The following GFM1 variants were observed in gnomAD, a reference collection of about 807,000 sequenced individuals.
The protein encoded by GFM1 is elongation factor G, mitochondrial.
Under a neutral mutation model 96.2 loss-of-function variants are expected in GFM1, and 62 were observed. The observed-to-expected ratio is 0.64, with a 90% CI of 0.53 to 0.80. GFM1 has a LOEUF of 0.80. Among genes scored for constraint, GFM1 ranks in the 30% least tolerant of loss-of-function variants. The pLI, the probability that GFM1 is intolerant of heterozygous loss-of-function variation, is 0.00. For missense variants in GFM1, 852 were observed against 916.6 expected (o/e 0.93, Z 0.91); for synonymous variants, 282 against 312.9 (o/e 0.90, Z 1.04).
At chr3:158,673,131 T>A (rs2108072682) in intron 13 of GFM1, among the ~76,000 whole-genome samples, 1 of 152,290 alleles carries the variant, frequency 6.6e-6, no homozygotes, top group Middle Eastern at 3.4e-3. Flanking sequence ...AATCAAAGTA[T>A]GAGAATCTGC....
intron 13 of GFM1, among the ~76,000 whole-genome samples, chr3:158,674,152 C>T (rs926397018): frequency 6.7e-6 from 1 of 149,268 alleles, no homozygotes; most frequent in Non-Finnish European, 1.5e-5. Context: ...GTGATCTCGG[C>T]TCACTGCAAC....
intron 15 of GFM1, chr3:158,684,958 G>C (rs1033226749): frequency 3.5e-6 from 1 of 288,142 alleles, no homozygotes; most frequent in African/African-American, 2.2e-5. Flanking sequence ...AGACTGAAAT[G>C]TTCAGAATTC....
chr3:158,665,901 A>G (rs1262299966), intron 12 of GFM1, among the ~76,000 whole-genome samples: 1 of 152,194 alleles, frequency 6.6e-6, no homozygotes. Context: ...TTCCCAGGAA[A>G]GGTCTTGTAT....
chr3:158,657,382 C>T (rs1722852870), intron 8 of GFM1: 1 of 152,092 alleles, frequency 6.6e-6, no homozygotes, highest in Non-Finnish European at 1.5e-5. Context: ...TGCGTTCATA[C>T]TCTCCAAATT....
chr3:158,644,685 C>G lies in GFM1; in HGVS notation c.51C>G (p.Ala17=). The stretch of plus-strand genomic sequence containing the variant: ...TCGCGGCTCTGGGGCGCGGAAGGGC[C>G]CCCGCCTCCCTAGGCTGGCAGAGGA... ...AAVAALGRGR[A]PASLGWQRKQ... is the part of the protein sequence containing the mutation. The change falls in exon 1 of 18, where the codon GCC becomes GCG. Residue 17 remains alanine (A), a synonymous_variant. Coordinates refer to ENST00000486715, the MANE Select transcript of GFM1 (RefSeq NM_024996.7). 1.3e-6 allele frequency: 2 copies of G among 1,579,834 alleles called. No individual in the cohort carries two copies. Among genetic ancestry groups the G allele is most frequent in the Non-Finnish European group, 1.7e-6 (2 of 1,163,830 alleles).
chr3:158,645,913 T>C, intron 2 of GFM1, 132 bp downstream of exon 2: 1 of 943,348 alleles, frequency 1.1e-6, no homozygotes, highest in Non-Finnish European at 1.7e-6. Flanking sequence ...GTTAGGCTTA[T>C]CTGAAAGTTG....
intron 13 of GFM1, among the ~76,000 whole-genome samples, chr3:158,675,666 A>G: frequency 6.6e-6 from 1 of 152,164 alleles, no homozygotes; most frequent in East Asian, 1.9e-4. Context: ...GATGTCTTTT[A>G]AAGGAGTTTT....
Position 158,666,336 on chromosome 3 carries a change from C to G in GFM1, c.1551C>G (p.Ile517Met). ...AAAGAGAGTATGGCTGTCCTTGTAT[C>G]ACAGGAAAGCCAAAAGTTGCCTTTC... ...RLEREYGCPC[I>M]TGKPKVAFRE... The change falls in exon 13 of 18, where the codon ATC becomes ATG. Residue 517 changes from isoleucine to methionine, a missense_variant. By Grantham distance (10) the Ile-to-Met change is conservative. Transcript: ENST00000486715. The G allele has an allele frequency of 6.2e-7, 1 of 1,613,450 alleles. No individual in the cohort carries two copies. The highest frequency in any genetic ancestry group is 8.5e-7 in the Non-Finnish European group (1 of 1,179,586).
At chr3:158,688,446 A>T (rs531710790) in intron 15 of GFM1, among the ~76,000 whole-genome samples, 1 of 152,300 alleles carries the variant, frequency 6.6e-6, no homozygotes, top group East Asian at 1.9e-4. Context: ...TGTCCTCAGT[A>T]ATTGAGTGAT....
rs1272083663 is a variant in GFM1, at chr3:158,693,956, G to A, written c.*2489G>A. 1.3e-5 allele frequency among the ~76,000 whole-genome samples: 2 copies of A among 152,074 alleles called. No individual in the cohort carries two copies. The highest frequency in any genetic ancestry group is 6.5e-5 in the Admixed American group (1 of 15,270). ...TGAAATGAAAAATCTGTGAAATTCA[G>A]GAGTGTCATATTGTATTCTTTTGTG... On this transcript the variant is annotated 3_prime_UTR_variant, in exon 18 of 18. Coordinates refer to ENST00000486715, the MANE Select transcript of GFM1 (RefSeq NM_024996.7).
chr3:158,683,320 T>C lies in GFM1; in HGVS notation c.1764+1163T>C, dbSNP rs543582312. Among the ~76,000 whole-genome samples, 328 of 152,336 alleles carry C rather than the reference T, an allele frequency of 2.2e-3. 1 individual carries two copies. The highest frequency in any genetic ancestry group is 3.3e-3 in the Admixed American group (51 of 15,302). On this transcript the variant is annotated intron_variant, in intron 14 of 17. Coordinates refer to ENST00000486715, the MANE Select transcript of GFM1 (RefSeq NM_024996.7). ...TGAAATGTCAAGAAATATTTTGTGC[T>C]ATCTGCGCAGCCATGTTATTGTGTT...
chr3:158,655,702 G>T lies in GFM1; in HGVS notation c.1083+1071G>T, dbSNP rs184384262. The T allele has an allele frequency of 8.1e-5, 23 of 284,362 alleles. No homozygotes were observed. In the East Asian group the frequency reaches 1.6e-3, roughly 20 times the overall value. The allele number at this position is 284,362 out of a possible 1,614,324, so 17.6% of individuals were successfully genotyped here. A position where few individuals can be genotyped will look rare whatever the true frequency, so the allele number is the denominator to read the frequency against. On this transcript the variant is annotated intron_variant, in intron 8 of 17. Transcript: ENST00000486715. Reference sequence around the variant, plus strand: ...AGTCCAGAGAATTCCTGTATATCCTGCACCCAGTTTCCTCTATTGTTAATA... The same window carrying T: ...AGTCCAGAGAATTCCTGTATATCCTTCACCCAGTTTCCTCTATTGTTAATA...
chr3:158,669,585 TC>T, intron 13 of GFM1: 1 of 1,613,984 alleles, frequency 6.2e-7, no homozygotes, highest in African/African-American at 1.3e-5. Flanking sequence ...GTAAAGTACT[TC>T]AGCTGTGCAG....
At chr3:158,691,307 A>AC in intron 17 of GFM1, 29 bp from the exon 18 acceptor site, 1 of 1,613,374 alleles carries the variant, frequency 6.2e-7, no homozygotes. Context: ...AAACAAACAA[A>AC]AAACCCTCTC....
intron 8 of GFM1, among the ~76,000 whole-genome samples, chr3:158,658,157 C>CTTTTGT (rs1722915332): frequency 1.0e-5 from 1 of 97,358 alleles, no homozygotes; most frequent in South Asian, 3.4e-4. Flanking sequence ...TCACAGAACT[C>CTTTTGT]TTTTTTTTTT....
Position 158,644,551 on chromosome 3 carries a change from G to T in GFM1, c.-84G>T. The T allele has an allele frequency of 9.0e-7, 1 of 1,108,014 alleles. No individual in the cohort carries two copies. Among genetic ancestry groups the T allele is most frequent in the Non-Finnish European group, 1.3e-6 (1 of 748,652 alleles). The allele number at this position is 1,108,014 out of a possible 1,614,324, so 68.6% of individuals were successfully genotyped here. On this transcript the variant is annotated 5_prime_UTR_variant, in exon 1 of 18. Coordinates refer to ENST00000486715, the MANE Select transcript of GFM1 (RefSeq NM_024996.7). ...TGCTCTTACAACATTGGCTGCCGGC[G>T]TGACTTTGACCGCTTCCCGGTGCGT...
chr3:158,648,834 G>T (rs868476471), intron 4 of GFM1, among the ~76,000 whole-genome samples: 1 of 152,178 alleles, frequency 6.6e-6, no homozygotes, highest in Middle Eastern at 3.4e-3. Flanking sequence ...TCTTTTTGTT[G>T]CCTAAATGGG....
intron 8 of GFM1, among the ~76,000 whole-genome samples, chr3:158,655,534 T>G (rs1204858223): frequency 6.6e-6 from 1 of 151,686 alleles, no homozygotes; most frequent in Non-Finnish European, 1.5e-5. Context: ...ATAAATAAAC[T>G]GAGGTACATT....
chr3:158,678,628 A>G (rs1461540740), intron 13 of GFM1, among the ~76,000 whole-genome samples: 2 of 152,226 alleles, frequency 1.3e-5, no homozygotes, highest in African/African-American at 2.4e-5. Flanking sequence ...TCCTTCTTCT[A>G]TGGATAAGCA....
Sources: gnomAD v4.1 joint callset for allele counts (sites outside exome capture counted in the v4.1 genomes callset) on GRCh38, gnomAD v4.1.1 for gene constraint, MANE v1.5 for transcripts, NCBI Gene and HGNC (gene_info 2026-07-23, HGNC 2026-07-21) for gene names.